DEPTOR: variants seen among roughly 807,000 people sequenced by gnomAD.
DEPTOR encodes the protein DEP domain-containing mTOR-interacting protein.
A neutral mutation model predicts 41.6 loss-of-function variants in DEPTOR; 41 were observed. That is an observed-to-expected ratio of 0.98 (90% CI 0.77 to 1.28). DEPTOR has a LOEUF of 1.28. Among genes scored for constraint, DEPTOR ranks in the 50% most tolerant of loss-of-function variants. The pLI, the probability that DEPTOR is intolerant of heterozygous loss-of-function variation, is 0.00. For missense variants in DEPTOR, 514 were observed against 527.9 expected, an observed-to-expected ratio of 0.97 and a Z score of 0.26; for synonymous variants, 195 against 192.3, an observed-to-expected ratio of 1.01 and a Z score of -0.12.
rs890799908 is a variant in DEPTOR at position 120,002,663 on chromosome 8, A to C, written c.791-314A>C. ...CGTGGTGGCGGACACCTATGGTCCC[A>C]GCTACTCAGGAGGCTGAGGCAAGAG... On this transcript the variant is annotated intron_variant, in intron 5 of 8. Coordinates refer to ENST00000286234, the MANE Select transcript of DEPTOR (RefSeq NM_022783.4). Among the ~76,000 whole-genome samples, 3 of 150,026 alleles carry C rather than the reference A, an allele frequency of 2.0e-5. No individual in the cohort carries two copies. The East Asian group carries it at 6.0e-4, about 30-fold the overall frequency.
intron 1 of DEPTOR, among the ~76,000 whole-genome samples, chr8:119,921,728 C>A (rs1041838914): frequency 2.0e-5 from 3 of 150,178 alleles, no homozygotes; most frequent in Non-Finnish European, 4.4e-5. Flanking sequence ...AGGATGGTAA[C>A]TGAAAGGTTC....
intron 1 of DEPTOR, among the ~76,000 whole-genome samples, chr8:119,899,787 A>G (rs1164480854): frequency 6.6e-6 from 1 of 152,230 alleles, no homozygotes; most frequent in Non-Finnish European, 1.5e-5. Flanking sequence ...AAATGCTTCT[A>G]GCAGTTCCTA....
intron 1 of DEPTOR, among the ~76,000 whole-genome samples, chr8:119,897,748 G>A (rs1339036813): frequency 2.0e-5 from 3 of 152,074 alleles, no homozygotes; most frequent in Non-Finnish European, 4.4e-5. Flanking sequence ...GCTTGCCTCG[G>A]CCTCCCAAAG....
At chr8:119,963,242 A>G (rs190485127) in intron 3 of DEPTOR, among the ~76,000 whole-genome samples, 11 of 152,340 alleles carry the variant, frequency 7.2e-5, no homozygotes, top group Admixed American at 5.9e-4. Flanking sequence ...AGCCAACACA[A>G]GGATGGCTGA....
At chr8:120,019,447 G>C (rs1021825917) in intron 8 of DEPTOR, among the ~76,000 whole-genome samples, 1 of 152,154 alleles carries the variant, frequency 6.6e-6, no homozygotes, top group African/African-American at 2.4e-5. Flanking sequence ...CCTCTTTCAA[G>C]TCAGCCTCTT....
rs1460089908 is a variant in DEPTOR, at chr8:119,907,794, AG to A, written c.123-20603del. Among the ~76,000 whole-genome samples the A allele has an allele frequency of 1.2e-4, 17 of 143,396 alleles. 1 individual carries two copies. In the East Asian group the frequency reaches 3.4e-3, roughly 29 times the overall value. 94.1% of individuals were successfully genotyped at this position (143,396 alleles called of 152,430 possible). On this transcript the variant is annotated intron_variant, in intron 1 of 8. Coordinates refer to ENST00000286234, the MANE Select transcript of DEPTOR (RefSeq NM_022783.4). ...ACTCTGTCTCAAAAAACAAAAAAAA[AG>A]GGAAGAAAATAAGAATCCATGAATC...
At chr8:119,901,991 A>G (rs945734739) in intron 1 of DEPTOR, among the ~76,000 whole-genome samples, 1 of 151,510 alleles carries the variant, frequency 6.6e-6, no homozygotes, top group Non-Finnish European at 1.5e-5. Flanking sequence ...TGTGATACAT[A>G]TTATGAACAT....
chr8:119,991,108 CTTTCTTTCTTT>C (rs1563584754), intron 4 of DEPTOR, among the ~76,000 whole-genome samples: 8 of 66,652 alleles, frequency 1.2e-4, no homozygotes, highest in African/African-American at 3.6e-4. Flanking sequence ...TTCTTTCTTT[CTTTCTTTCTTT>C]TTTTTTTAAA....
intron 8 of DEPTOR, 96 bp from the exon 9 acceptor site, chr8:120,049,480 T>C (rs916430245): frequency 1.5e-6 from 2 of 1,378,114 alleles, no homozygotes; most frequent in Admixed American, 2.5e-5. Context: ...ATTTTAAGAA[T>C]GAAGTTACCT....
intron 4 of DEPTOR, among the ~76,000 whole-genome samples, chr8:119,988,772 C>T (rs748129285): frequency 2.6e-5 from 4 of 152,120 alleles, no homozygotes; most frequent in Non-Finnish European, 5.9e-5. Context: ...TGTGAACCAC[C>T]GTGTCCGGCC....
At chr8:119,945,158 G>A (rs1048994634) in intron 3 of DEPTOR, among the ~76,000 whole-genome samples, 3 of 152,120 alleles carry the variant, frequency 2.0e-5, no homozygotes, top group African/African-American at 7.2e-5. Flanking sequence ...TTGTTGAAGA[G>A]ATGAATAGAT....
intron 1 of DEPTOR, among the ~76,000 whole-genome samples, chr8:119,894,171 C>T (rs1173176195): frequency 6.6e-5 from 10 of 151,970 alleles, no homozygotes; most frequent in Admixed American, 6.6e-4. Flanking sequence ...TGGGCTCAAG[C>T]GATCCTTCCA....
chr8:119,882,849 A>G (rs1321578670), intron 1 of DEPTOR, among the ~76,000 whole-genome samples: 1 of 152,154 alleles, frequency 6.6e-6, no homozygotes, highest in Non-Finnish European at 1.5e-5. Flanking sequence ...CACGGTAATT[A>G]TACTTTTCCG....
In DEPTOR at chr8:119,968,334, ATT is replaced by A. The variant is rs566335059; in HGVS notation, c.604+2933_604+2934del. On this transcript the variant is annotated intron_variant, in intron 4 of 8. Transcript: ENST00000286234. ...AGAGCTACCTTCTTTTATTATTATTATTTTTTTTTTGGGACAGTTACTGCTCT... is the reference window on the plus strand; with the variant it reads ...AGAGCTACCTTCTTTTATTATTATTATTTTTTTTGGGACAGTTACTGCTCT... 8.8e-3 allele frequency among the ~76,000 whole-genome samples: 1,306 copies of A among 148,508 alleles called. 27 individuals are homozygous for A. The highest frequency in any genetic ancestry group is 0.031 in the African/African-American group (1,250 of 40,020).
intron 8 of DEPTOR, among the ~76,000 whole-genome samples, chr8:120,022,174 A>AAAAAAAAAAAAC (rs1812729194): frequency 6.6e-6 from 1 of 151,118 alleles, no homozygotes; most frequent in Non-Finnish European, 1.5e-5. Context: ...AAAAAAAAAA[A>AAAAAAAAAAAAC]AAAAGATGCA....
chr8:119,967,153 A>C (rs1054182377), intron 4 of DEPTOR, among the ~76,000 whole-genome samples: 3 of 151,904 alleles, frequency 2.0e-5, no homozygotes, highest in African/African-American at 7.3e-5. Context: ...ATCTTGGCTC[A>C]CTGCAACTTC....
At chr8:119,885,944 G>A (rs1827358894) in intron 1 of DEPTOR, among the ~76,000 whole-genome samples, 1 of 150,884 alleles carries the variant, frequency 6.6e-6, no homozygotes, top group Non-Finnish European at 1.5e-5. Context: ...GTACTAACTA[G>A]TATTCACTCT....
At chr8:119,952,530 A>G (rs1828367275) in intron 3 of DEPTOR, among the ~76,000 whole-genome samples, 1 of 152,178 alleles carries the variant, frequency 6.6e-6, no homozygotes, top group South Asian at 2.1e-4. Context: ...ATAGTGTGCC[A>G]TGGTGGTTTG....
At chr8:119,924,080 T>A (rs1254542165) in intron 1 of DEPTOR, among the ~76,000 whole-genome samples, 2 of 152,192 alleles carry the variant, frequency 1.3e-5, no homozygotes, top group Non-Finnish European at 2.9e-5. Flanking sequence ...GAATGTCATT[T>A]TCCCCTCTGA....
Sources: gnomAD v4.1 joint callset for allele counts (sites outside exome capture counted in the v4.1 genomes callset) on GRCh38, gnomAD v4.1.1 for gene constraint, MANE v1.5 for transcripts, NCBI Gene and HGNC (gene_info 2026-07-23, HGNC 2026-07-21) for gene names.